The following SNCAIP variants were observed in gnomAD, a reference collection of about 807,000 sequenced individuals.
The protein encoded by SNCAIP is synuclein alpha interacting protein.
In SNCAIP, 43 loss-of-function variants were observed where a neutral mutation model predicts 86.7. The ratio of observed to expected loss-of-function variants is 0.50; its 90% CI spans 0.39 to 0.64. SNCAIP has a LOEUF of 0.64. Ranked by LOEUF, SNCAIP falls within the 30% of genes least tolerant of loss-of-function variation. SNCAIP has a pLI of 0.00. For synonymous variants in SNCAIP, 417 were observed against 427.2 expected (o/e 0.98, Z 0.29); for missense variants, 981 against 1,103.1 (o/e 0.89, Z 1.57).
At chr5:122,447,691 G>A (rs1386212328) in intron 8 of SNCAIP, among the ~76,000 whole-genome samples, 1 of 152,102 alleles carries the variant, frequency 6.6e-6, no homozygotes, top group African/African-American at 2.4e-5. Context: ...TTTTTCATTA[G>A]ACCAGAATCA....
chr5:122,409,314 TG>T (rs1299128271), intron 3 of SNCAIP, among the ~76,000 whole-genome samples: 1 of 152,210 alleles, frequency 6.6e-6, no homozygotes, highest in African/African-American at 2.4e-5. Context: ...AAAAATTAAT[TG>T]GGCATTCAAA....
At chr5:122,337,791 C>T (rs996032875) in intron 1 of SNCAIP, among the ~76,000 whole-genome samples, 5 of 152,180 alleles carry the variant, frequency 3.3e-5, no homozygotes, top group Admixed American at 2.6e-4. Flanking sequence ...GCGCCCACCT[C>T]GGCCTTCCAA....
At chr5:122,341,603 G>C (rs550390486) in intron 1 of SNCAIP, among the ~76,000 whole-genome samples, 1 of 152,298 alleles carries the variant, frequency 6.6e-6, no homozygotes, top group Non-Finnish European at 1.5e-5. Context: ...ATTCAGACAA[G>C]TACAGAGAAC....
At chr5:122,367,967 G>T (rs1211817871) in intron 1 of SNCAIP, among the ~76,000 whole-genome samples, 1 of 152,002 alleles carries the variant, frequency 6.6e-6, no homozygotes, top group East Asian at 1.9e-4. Context: ...AAACTCATTA[G>T]GAGCCTGAGA....
chr5:122,330,403 G>A (rs911738152), intron 1 of SNCAIP, among the ~76,000 whole-genome samples: 10 of 152,138 alleles, frequency 6.6e-5, no homozygotes, highest in Admixed American at 6.5e-4. Context: ...TTACAGGCGT[G>A]AGCCACCGCG....
At chr5:122,316,225 A>G (rs1751693091) in intron 1 of SNCAIP, among the ~76,000 whole-genome samples, 1 of 152,250 alleles carries the variant, frequency 6.6e-6, no homozygotes, top group South Asian at 2.1e-4. Context: ...GGATTCCCTA[A>G]GATGTCAAAG....
At chr5:122,368,451 G>A (rs1163957873) in intron 1 of SNCAIP, among the ~76,000 whole-genome samples, 1 of 152,066 alleles carries the variant, frequency 6.6e-6, no homozygotes, top group African/African-American at 2.4e-5. Flanking sequence ...CGTATATACA[G>A]AAATCACACA....
At chr5:122,443,979 C>G in intron 7 of SNCAIP, 1 of 425,058 alleles carries the variant, frequency 2.4e-6, no homozygotes, top group Non-Finnish European at 4.7e-6. Flanking sequence ...AAGCTTTCTT[C>G]TACAAAGCCT....
At chr5:122,398,521 T>C (rs6877153) in intron 2 of SNCAIP, among the ~76,000 whole-genome samples, 31,083 of 152,112 alleles carry the variant, frequency 0.2, 4,089 homozygotes, top group African/African-American at 0.38. Context: ...CCCAGCTTTG[T>C]TTGTACACAT....
rs80102825 is a variant in SNCAIP at position 122,405,534 on chromosome 5, A to G, written c.130+1669A>G. Among the ~76,000 whole-genome samples, 1,228 of 152,282 alleles carry G rather than the reference A, an allele frequency of 8.1e-3. 18 individuals carry two copies. The highest frequency in any genetic ancestry group is 0.028 in the African/African-American group (1,156 of 41,556). On this transcript the variant is annotated intron_variant, in intron 3 of 10. Coordinates refer to ENST00000261368, the MANE Select transcript of SNCAIP (RefSeq NM_005460.4). ...AACTGAGGAACAGAGATGAGAAGTT[A>G]AATATCTTACCCAGAGTCACACAGC... is the stretch of plus-strand genomic sequence containing the variant.
At chr5:122,343,591 C>G (rs185579268) in intron 1 of SNCAIP, among the ~76,000 whole-genome samples, 16 of 152,320 alleles carry the variant, frequency 1.1e-4, no homozygotes, top group Non-Finnish European at 1.9e-4. Flanking sequence ...CGATGAGACT[C>G]TGTCATATAT....
chr5:122,451,166 G>A lies in SNCAIP; in HGVS notation c.2319G>A (p.Gln773=), dbSNP rs1783616651. 6.2e-7 allele frequency: 1 copy of A among 1,613,946 alleles called. No individual in the cohort carries two copies. The highest frequency in any genetic ancestry group is 2.2e-5 in the East Asian group (1 of 44,870). The change falls in exon 10 of 11, where the codon CAG becomes CAA. Residue 773 remains glutamine, a synonymous_variant. Coordinates refer to ENST00000261368, the MANE Select transcript of SNCAIP (RefSeq NM_005460.4). The stretch of plus-strand genomic sequence containing the variant: ...GCTCAGGGAGTATTCCTCCAAACCA[G>A]CCCTCTGGTGACCCTCAGCAGCCCA... The part of the protein sequence containing the change: ...YPGSGSIPPN[Q]PSGDPQQPSP...
chr5:122,440,973 T>A, intron 7 of SNCAIP: 1 of 532,298 alleles, frequency 1.9e-6, no homozygotes, highest in Non-Finnish European at 3.4e-6. Flanking sequence ...CCCAGGGTGT[T>A]GAAAGGGACT....
chr5:122,391,369 T>C (rs542851902), intron 2 of SNCAIP, among the ~76,000 whole-genome samples, 178 bp downstream of exon 2: 3 of 152,336 alleles, frequency 2.0e-5, no homozygotes, highest in African/African-American at 7.2e-5. Context: ...GACCAAGAAG[T>C]GAATCTTCCC....
At chr5:122,389,153 G>A (rs553656922) in intron 1 of SNCAIP, 16 of 152,300 alleles carry the variant, frequency 1.1e-4, no homozygotes, top group Admixed American at 5.2e-4. Context: ...AAACAGGGGT[G>A]CAATGGTTAT....
At chr5:122,420,229 A>T (rs1019110153) in intron 3 of SNCAIP, among the ~76,000 whole-genome samples, 2 of 152,208 alleles carry the variant, frequency 1.3e-5, no homozygotes, top group African/African-American at 4.8e-5. Flanking sequence ...TGTTTTCGTA[A>T]GACCCAGACA....
Position 122,402,210 on chromosome 5 carries a change from G to C in SNCAIP, c.58-1583G>C, listed in dbSNP as rs186071073. Among the ~76,000 whole-genome samples, 28 of 152,176 alleles carry C rather than the reference G, an allele frequency of 1.8e-4. No individual in the cohort carries two copies. In the East Asian group the frequency reaches 4.6e-3, roughly 25 times the overall value. On this transcript the variant is annotated intron_variant, in intron 2 of 10. Coordinates refer to ENST00000261368, the MANE Select transcript of SNCAIP (RefSeq NM_005460.4). The stretch of plus-strand genomic sequence containing the variant: ...TGTAATTATCTAACTTGTACCAGCT[G>C]GTCTCAAGAAGCTACCAGAGTCCTT...
At chr5:122,322,189 A>ATCCTATG (rs950956290) in intron 1 of SNCAIP, among the ~76,000 whole-genome samples, 2 of 152,230 alleles carry the variant, frequency 1.3e-5, no homozygotes, top group Non-Finnish European at 2.9e-5. Context: ...GGAGATTTAT[A>ATCCTATG]TCCTATGTCA....
At chr5:122,400,733 C>G (rs1228188989) in intron 2 of SNCAIP, among the ~76,000 whole-genome samples, 6 of 152,134 alleles carry the variant, frequency 3.9e-5, no homozygotes, top group African/African-American at 1.4e-4. Flanking sequence ...AGTAAAGGAA[C>G]AGAAAGTAAA....
Sources: gnomAD v4.1 joint callset for allele counts (sites outside exome capture counted in the v4.1 genomes callset) on GRCh38, gnomAD v4.1.1 for gene constraint, MANE v1.5 for transcripts, NCBI Gene and HGNC (gene_info 2026-07-23, HGNC 2026-07-21) for gene names.